Variants in MGRN1 observed in about 807,000 individuals in gnomAD.
The protein encoded by MGRN1 is mahogunin ring finger 1.
A neutral mutation model predicts 69.2 loss-of-function variants in MGRN1; 29 were observed. That is an observed-to-expected ratio of 0.42 (90% confidence interval 0.31 to 0.57). The LOEUF is 0.57. Among genes scored for constraint, MGRN1 ranks in the 20% least tolerant of loss-of-function variants. The pLI, the probability that MGRN1 is intolerant of heterozygous loss-of-function variation, is 0.15. For missense variants in MGRN1, 998 were observed against 796.2 expected, an observed-to-expected ratio of 1.25 and a Z score of -3.05; for synonymous variants, 470 against 344.2, an observed-to-expected ratio of 1.37 and a Z score of -4.04.
At position 4,689,093 on chromosome 16, in the gene MGRN1, A is replaced by C. The variant is rs2141996309; in HGVS notation, c.*185A>C. Reference sequence around the variant, plus strand: ...TGTCCCTTCTGAGTCTCCCTTTTCTACAGTTGATATATTTGTAACTGGTAC... The same window carrying C: ...TGTCCCTTCTGAGTCTCCCTTTTCTCCAGTTGATATATTTGTAACTGGTAC... On this transcript the variant is annotated 3_prime_UTR_variant, in exon 17 of 17. Transcript: ENST00000262370. 1 of 742,276 alleles carries C rather than the reference A, an allele frequency of 1.3e-6. No individual in the cohort carries two copies. The highest frequency in any genetic ancestry group is 2.0e-6 in the Non-Finnish European group (1 of 489,334). 46.0% of individuals were successfully genotyped at this position (742,276 alleles called of 1,614,324 possible).
At chr16:4,661,356 T>TTG (rs2078676415) in intron 5 of MGRN1, among the ~76,000 whole-genome samples, 1 of 152,160 alleles carries the variant, frequency 6.6e-6, no homozygotes, top group South Asian at 2.1e-4. Flanking sequence ...TGGCCACCTT[T>TTG]CGCACCCTTT....
rs2078569551 is a variant in MGRN1, at chr16:4,657,346, G to C, written c.544G>C (p.Glu182Gln). ...SLPSFKIDFS[E>Q]WKDDELNFDL... is the part of the protein sequence containing the mutation. ...GCCCTCCTTCAAGATTGACTTCTCGGAATGGAAGGATGACGAGGTAATGCT... is the reference window on the plus strand; with the variant it reads ...GCCCTCCTTCAAGATTGACTTCTCGCAATGGAAGGATGACGAGGTAATGCT... Residue 182 changes from glutamate (E) to glutamine (Q), a missense_variant, in exon 5 of 17, where the codon GAA becomes CAA. Glu to Gln is a conservative substitution (Grantham distance 29). Transcript: ENST00000262370. The C allele has an allele frequency of 6.2e-7, 1 of 1,613,958 alleles. No homozygotes were observed. Among genetic ancestry groups the C allele is most frequent in the Admixed American group, 1.7e-5 (1 of 60,012 alleles).
intron 10 of MGRN1, among the ~76,000 whole-genome samples, chr16:4,675,718 G>A (rs1289423252): frequency 6.6e-6 from 1 of 151,330 alleles, no homozygotes; most frequent in Non-Finnish European, 1.5e-5. Context: ...TGAGAGACAG[G>A]GGAAGACCCT....
At chr16:4,670,047 A>T (rs1390822091) in intron 8 of MGRN1, among the ~76,000 whole-genome samples, 1 of 151,938 alleles carries the variant, frequency 6.6e-6, no homozygotes, top group Admixed American at 6.6e-5. Flanking sequence ...TTAAATATTT[A>T]ATTTAATTTT....
intron 16 of MGRN1, among the ~76,000 whole-genome samples, chr16:4,685,991 G>A (rs896081385): frequency 1.3e-5 from 2 of 152,204 alleles, no homozygotes; most frequent in Non-Finnish European, 2.9e-5. Flanking sequence ...GACTGCGCCC[G>A]TTAGGTCCTT....
At chr16:4,640,475 A>G (rs539235143) in intron 1 of MGRN1, 18 of 152,394 alleles carry the variant, frequency 1.2e-4, no homozygotes, top group African/African-American at 3.6e-4. Context: ...CAAGCCACCC[A>G]GAGTCCGAAT....
Position 4,625,017 on chromosome 16 carries a change from G to A in MGRN1, c.57G>A (p.Ala19=). ...GGGTGGAGGACATCGACATCCAGGC[G>A]AACTCGGCCTATCGCTACCCTCCGA... The part of the protein sequence containing the change: ...IAGVEDIDIQ[A]NSAYRYPPKS... Residue 19 remains alanine, a synonymous_variant, in exon 1 of 17, where the codon GCG becomes GCA. Transcript: ENST00000262370. 1 of 1,557,676 alleles carries A rather than the reference G, an allele frequency of 6.4e-7. No homozygotes were observed. The highest frequency in any genetic ancestry group is 8.7e-7 in the Non-Finnish European group (1 of 1,154,578).
intron 1 of MGRN1, among the ~76,000 whole-genome samples, chr16:4,641,079 A>G (rs957203101): frequency 1.3e-5 from 2 of 151,948 alleles, no homozygotes; most frequent in Non-Finnish European, 2.9e-5. Flanking sequence ...CCCACTTCCC[A>G]CTCACAGTCT....
chr16:4,636,430 A>G (rs1898295076), intron 1 of MGRN1, among the ~76,000 whole-genome samples: 2 of 152,082 alleles, frequency 1.3e-5, no homozygotes. Flanking sequence ...CCAGCGTCCC[A>G]GTGCTGCCCG....
At chr16:4,653,062 A>T (rs1024948539) in intron 4 of MGRN1, among the ~76,000 whole-genome samples, 1 of 151,974 alleles carries the variant, frequency 6.6e-6, no homozygotes, top group South Asian at 2.1e-4. Flanking sequence ...AGGTCATGCA[A>T]CCCCTGCACT....
At chr16:4,680,927 A>G (rs2079168872) in intron 12 of MGRN1, among the ~76,000 whole-genome samples, 1 of 152,054 alleles carries the variant, frequency 6.6e-6, no homozygotes, top group Non-Finnish European at 1.5e-5. Flanking sequence ...GTGCCCCTCA[A>G]CCTGGTTTTG....
chr16:4,642,914 G>C (rs2078194129), intron 1 of MGRN1, among the ~76,000 whole-genome samples: 1 of 151,764 alleles, frequency 6.6e-6, no homozygotes, highest in African/African-American at 2.4e-5. Flanking sequence ...AGCCTCCCGA[G>C]TACCTTGGAC....
intron 5 of MGRN1, among the ~76,000 whole-genome samples, chr16:4,662,642 C>T (rs1168708569): frequency 1.3e-5 from 2 of 152,210 alleles, no homozygotes; most frequent in Admixed American, 6.5e-5. Flanking sequence ...CATGCGGTAG[C>T]GTGGTATTGA....
chr16:4,681,562 G>A lies in MGRN1; in HGVS notation c.1144G>A (p.Val382Ile), dbSNP rs759179884. ...CCTGTCCCTACAGAACTCTGACAGC[G>A]TCCCACCTGGCTACGAGCCCATCTC... Reference protein sequence around the residue: ...KPKRETNSDSVPPGYEPISLL... With the variant: ...KPKRETNSDSIPPGYEPISLL... Residue 382 changes from valine to isoleucine, a missense_variant, in exon 13 of 17, where the codon GTC (valine) becomes ATC (isoleucine). By Grantham distance (29) the Val-to-Ile change is conservative (BLOSUM62 3). Coordinates refer to ENST00000262370, the MANE Select transcript of MGRN1 (RefSeq NM_015246.4). 1.1e-5 allele frequency: 18 copies of A among 1,612,712 alleles called. No homozygotes were observed. The highest frequency in any genetic ancestry group is 1.4e-5 in the Non-Finnish European group (16 of 1,179,608).
chr16:4,642,804 T>G (rs1001759529), intron 1 of MGRN1, among the ~76,000 whole-genome samples: 8 of 150,486 alleles, frequency 5.3e-5, no homozygotes, highest in South Asian at 4.2e-4. Context: ...TTTTTTTTTT[T>G]GTTAAAGGGT....
Position 4,625,003 on chromosome 16 carries a change from A to G in MGRN1, c.43A>G (p.Ile15Val). ...LSRRIAGVED[I>V]DIQANSAYRY... ...CCGCCGCATCGCGGGGGTGGAGGAC[A>G]TCGACATCCAGGCGAACTCGGCCTA... Residue 15 changes from isoleucine (I) to valine (V), a missense_variant, in exon 1 of 17, where the codon ATC (isoleucine) becomes GTC (valine). By Grantham distance (29) the Ile-to-Val change is conservative. Transcript: ENST00000262370. 3 of 1,560,658 alleles carry G rather than the reference A, an allele frequency of 1.9e-6. No homozygotes were observed. Among genetic ancestry groups the G allele is most frequent in the South Asian group, 1.2e-5 (1 of 85,586 alleles).
intron 15 of MGRN1, among the ~76,000 whole-genome samples, 190 bp downstream of exon 15, chr16:4,683,459 G>A (rs1295892735): frequency 2.0e-5 from 3 of 152,176 alleles, no homozygotes; most frequent in Admixed American, 6.5e-5. Flanking sequence ...GGGTCAGGCT[G>A]CGCTGTTGAC....
chr16:4,634,028 C>T (rs1596257719), intron 1 of MGRN1: 1 of 152,262 alleles, frequency 6.6e-6, no homozygotes, highest in Non-Finnish European at 1.5e-5. Context: ...TCCTAACAGG[C>T]TGTGAAAATT....
chr16:4,650,490 C>G lies in MGRN1; in HGVS notation c.207+7C>G. ...GGGCAGCCGCCCGGTCCAGGTGGGT[C>G]TGGACAGGGCTGTCTCATGGGGCTG... On this transcript the variant is annotated splice_region_variant and intron_variant, in intron 2 of 16. Coordinates refer to ENST00000262370, the MANE Select transcript of MGRN1 (RefSeq NM_015246.4). 1 of 1,598,840 alleles carries G rather than the reference C, an allele frequency of 6.3e-7. No homozygotes were observed. The highest frequency in any genetic ancestry group is 1.1e-5 in the South Asian group (1 of 88,634).
Sources: gnomAD v4.1 joint callset for allele counts (sites outside exome capture counted in the v4.1 genomes callset) on GRCh38, gnomAD v4.1.1 for gene constraint, MANE v1.5 for transcripts, NCBI Gene and HGNC (gene_info 2026-07-23, HGNC 2026-07-21) for gene names.